PCDHGA2: variants seen among roughly 807,000 people sequenced by gnomAD.
PCDHGA2 encodes protocadherin gamma-A2.
Under a neutral mutation model 59.2 loss-of-function variants are expected in PCDHGA2, and 40 were observed. The observed-to-expected ratio is 0.68, with a 90% CI of 0.52 to 0.88. The LOEUF (loss-of-function observed/expected upper bound fraction) is 0.88, where lower values mean the gene tolerates loss of function less well. PCDHGA2 is among the 40% of genes least tolerant of loss of function. The pLI is 0.00. For synonymous variants in PCDHGA2, 560 were observed against 526.0 expected (o/e 1.06, Z -0.89); for missense variants, 1,226 against 1,204.0 (o/e 1.02, Z -0.27).
At chr5:141,380,946 C>A (rs555019785) in intron 1 of PCDHGA2, among the ~76,000 whole-genome samples, 2 of 152,328 alleles carry the variant, frequency 1.3e-5, no homozygotes, top group East Asian at 3.8e-4. Flanking sequence ...CTTGCCTCAA[C>A]AAGAAGTTCA....
Position 141,486,747 on chromosome 5 carries a change from A to G in PCDHGA2, c.2425-8060A>G, listed in dbSNP as rs750666508. The G allele has an allele frequency of 3.1e-6, 5 of 1,614,210 alleles. No homozygotes were observed. The highest frequency in any genetic ancestry group is 4.2e-6 in the Non-Finnish European group (5 of 1,180,034). On this transcript the variant is annotated intron_variant, in intron 1 of 3. Transcript: ENST00000394576. This position sits in a 1 kb window ranked among gnomAD's most constrained non-coding sequence, Gnocchi z 5.0. Reference sequence around the variant, plus strand: ...GTTCATGCTACTCGATCCTTTGACTATGAGCAAACCCAGACACTGCAGTTT... The same window carrying G: ...GTTCATGCTACTCGATCCTTTGACTGTGAGCAAACCCAGACACTGCAGTTT...
chr5:141,441,797 G>A, intron 1 of PCDHGA2: 2 of 386,536 alleles, frequency 5.2e-6, no homozygotes, highest in Non-Finnish European at 1.0e-5. Context: ...ACAACGCACC[G>A]CGGGTGCTGT....
chr5:141,357,723 T>A (rs979364296), intron 1 of PCDHGA2: 3 of 1,391,112 alleles, frequency 2.2e-6, no homozygotes, highest in Non-Finnish European at 2.9e-6. Flanking sequence ...AAGTTGCCTC[T>A]TTTAATATTT....
intron 1 of PCDHGA2, chr5:141,375,687 G>A (rs1588775167): frequency 6.2e-7 from 1 of 1,614,258 alleles, no homozygotes. Flanking sequence ...GTGACAGCCA[G>A]CGACAGCGGG....
chr5:141,385,256 A>G lies in PCDHGA2; in HGVS notation c.2424+43861A>G, dbSNP rs779090806. On this transcript the variant is annotated intron_variant, in intron 1 of 3. Transcript: ENST00000394576. Reference sequence around the variant, plus strand: ...ATGCTCATCAGCCAGGAGAGCTGTGAGAAAAATGATTCTTTGCTAACATCC... The same window carrying G: ...ATGCTCATCAGCCAGGAGAGCTGTGGGAAAAATGATTCTTTGCTAACATCC... 7 of 1,613,794 alleles carry G rather than the reference A, an allele frequency of 4.3e-6. No homozygotes were observed. In the Admixed American group the frequency reaches 1.0e-4, roughly 23 times the overall value.
At chr5:141,499,057 A>G (rs1361057448) in intron 2 of PCDHGA2, among the ~76,000 whole-genome samples, 1 of 152,036 alleles carries the variant, frequency 6.6e-6, no homozygotes, top group Non-Finnish European at 1.5e-5. Flanking sequence ...GAAAAAATGA[A>G]GAAGACTTAC....
At position 141,350,164 on chromosome 5, in the gene PCDHGA2, T is replaced by G. The variant is rs1588479597; in HGVS notation, c.2424+8769T>G. The G allele has an allele frequency of 2.1e-5, 24 of 1,151,208 alleles. No individual in the cohort carries two copies. The East Asian group carries it at 6.5e-4, about 31-fold the overall frequency. The allele number at this position is 1,151,208 out of a possible 1,614,324, so 71.3% of individuals were successfully genotyped here. A position where few individuals can be genotyped will look rare whatever the true frequency, so the allele number is the denominator to read the frequency against. On this transcript the variant is annotated intron_variant, in intron 1 of 3. Coordinates refer to ENST00000394576, the MANE Select transcript of PCDHGA2 (RefSeq NM_018915.4). ...TCCTGTTCACCCTCGAGCGCCTAAC[T>G]AATAAGTCCTAAGCTCAAATCACAG... is the stretch of plus-strand genomic sequence containing the variant.
At chr5:141,371,623 T>C in intron 1 of PCDHGA2, 1 of 1,614,008 alleles carries the variant, frequency 6.2e-7, no homozygotes, top group African/African-American at 1.3e-5. Flanking sequence ...GATGGAGCCC[T>C]GGACCGGGAG....
Position 141,490,310 on chromosome 5 carries a change from AC to A in PCDHGA2, c.2425-4494del. 1 of 1,614,084 alleles carries A rather than the reference AC, an allele frequency of 6.2e-7. No homozygotes were observed. The highest frequency in any genetic ancestry group is 8.5e-7 in the Non-Finnish European group (1 of 1,180,012). ...GAGGTGCTATTGGCCTCTTTGGCCA[AC>A]CCTGTCCTAGAGAGCACACCAGTGG... is the stretch of plus-strand genomic sequence containing the variant. On this transcript the variant is annotated intron_variant, in intron 1 of 3. Transcript: ENST00000394576. This position sits in a 1 kb window ranked among gnomAD's most constrained non-coding sequence, Gnocchi z 5.4.
Position 141,490,293 on chromosome 5 carries a change from A to G in PCDHGA2, c.2425-4514A>G, listed in dbSNP as rs1316965652. On this transcript the variant is annotated intron_variant, in intron 1 of 3. Transcript: ENST00000394576. The surrounding 1 kb of genome is among the most constrained non-coding windows in gnomAD (Gnocchi z 5.4). ...TCAATGACAATGCCCCAGAGGTGCTATTGGCCTCTTTGGCCAACCCTGTCC... is the reference window on the plus strand; with the variant it reads ...TCAATGACAATGCCCCAGAGGTGCTGTTGGCCTCTTTGGCCAACCCTGTCC... The G allele has an allele frequency of 1.2e-6, 2 of 1,614,190 alleles. No individual in the cohort carries two copies. The highest frequency in any genetic ancestry group is 8.5e-7 in the Non-Finnish European group (1 of 1,180,028).
In PCDHGA2 at chr5:141,339,815, G is replaced by A. The variant is rs1756880675; in HGVS notation, c.844G>A (p.Glu282Lys). The change falls in exon 1 of 4, where the codon GAG becomes AAG. Residue 282 changes from glutamate (E) to lysine (K), a missense_variant. Transcript: ENST00000394576. ...GYYAQVVYFLEKSPGETSEVF... is the reference protein window; with the variant it reads ...GYYAQVVYFLKKSPGETSEVF... ...CTACGCTCAAGTGGTATATTTTCTA[G>A]AGAAAAGCCCTGGAGAAACCTCAGA... 4 of 1,614,196 alleles carry A rather than the reference G, an allele frequency of 2.5e-6. No individual in the cohort carries two copies. In the East Asian group the frequency reaches 6.7e-5, roughly 27 times the overall value.
intron 1 of PCDHGA2, among the ~76,000 whole-genome samples, chr5:141,442,843 G>C (rs1264073611): frequency 2.0e-5 from 3 of 152,134 alleles, no homozygotes; most frequent in African/African-American, 7.2e-5. Flanking sequence ...GACAAATCTT[G>C]GCCATTGTAG....
In PCDHGA2 at chr5:141,491,129, C is replaced by T; in HGVS notation, c.2425-3678C>T. On this transcript the variant is annotated intron_variant, in intron 1 of 3. Transcript: ENST00000394576. This position sits in a 1 kb window ranked among gnomAD's most constrained non-coding sequence, Gnocchi z 6.9. Reference sequence around the variant, plus strand: ...TCTACACACACTGGTGAGGTGCGCACAGCCCGGGCCTTACTGGAGGATGAC... The same window carrying T: ...TCTACACACACTGGTGAGGTGCGCATAGCCCGGGCCTTACTGGAGGATGAC... 1.2e-6 allele frequency: 2 copies of T among 1,614,172 alleles called. No individual in the cohort carries two copies. The highest frequency in any genetic ancestry group is 1.7e-6 in the Non-Finnish European group (2 of 1,180,012).
intron 1 of PCDHGA2, chr5:141,378,729 T>C (rs769149282): frequency 1.1e-4 from 17 of 152,216 alleles, no homozygotes; most frequent in African/African-American, 3.4e-4. Flanking sequence ...GAACTCTTTA[T>C]TGAAATATTT....
At position 141,421,932 on chromosome 5, in the gene PCDHGA2, T is replaced by C. The variant is rs747598404; in HGVS notation, c.2425-72875T>C. On this transcript the variant is annotated intron_variant, in intron 1 of 3. Transcript: ENST00000394576. The stretch of plus-strand genomic sequence containing the variant: ...TTCCCATTCGTGTGGTGGTCCTCGA[T>C]GTAAATGATCACATCCCAATGTTTA... 3 of 1,613,588 alleles carry C rather than the reference T, an allele frequency of 1.9e-6. No individual in the cohort carries two copies. The East Asian group carries it at 6.7e-5, about 36-fold the overall frequency.
At chr5:141,447,232 C>T (rs988057696) in intron 1 of PCDHGA2, among the ~76,000 whole-genome samples, 3 of 152,062 alleles carry the variant, frequency 2.0e-5, no homozygotes, top group East Asian at 1.9e-4. Flanking sequence ...CTCCGCCTCC[C>T]GGGTTCAAGT....
chr5:141,486,843 A>G lies in PCDHGA2; in HGVS notation c.2425-7964A>G, dbSNP rs1455684942. On this transcript the variant is annotated intron_variant, in intron 1 of 3. Coordinates refer to ENST00000394576, the MANE Select transcript of PCDHGA2 (RefSeq NM_018915.4). The surrounding 1 kb of genome is among the most constrained non-coding windows in gnomAD (Gnocchi z 5.0). ...GTAACAGTTCGTCTATTTGTGCTGG[A>G]CCTCAATGACAATGCTCCAGCTGTG... 6.2e-7 allele frequency: 1 copy of G among 1,614,214 alleles called. No homozygotes were observed. Among genetic ancestry groups the G allele is most frequent in the Admixed American group, 1.7e-5 (1 of 60,034 alleles).
chr5:141,481,729 G>A (rs757464454), intron 1 of PCDHGA2, among the ~76,000 whole-genome samples: 6 of 151,966 alleles, frequency 3.9e-5, no homozygotes, highest in Admixed American at 1.3e-4. Flanking sequence ...GGAGGCGGGC[G>A]GATCACGAGG....
chr5:141,421,433 C>T, intron 1 of PCDHGA2: 1 of 1,614,074 alleles, frequency 6.2e-7, no homozygotes, highest in African/African-American at 1.3e-5. Flanking sequence ...CGCATCGTCT[C>T]CAGAGGGAAG....
Sources: allele counts gnomAD v4.1 joint callset (sites outside exome capture counted in the v4.1 genomes callset), GRCh38; gene constraint gnomAD v4.1.1; non-coding constraint Gnocchi (gnomAD v3.1); transcripts MANE v1.5; gene names NCBI Gene and HGNC (gene_info 2026-07-23, HGNC 2026-07-21).